Variants in ATM observed in about 807,000 individuals in gnomAD.
ATM encodes serine-protein kinase ATM.
Under a neutral mutation model 387.0 loss-of-function variants are expected in ATM, and 308 were observed. The observed-to-expected ratio is 0.80, with a 90% CI of 0.73 to 0.87. The LOEUF is 0.87. Among genes scored for constraint, ATM ranks in the 40% least tolerant of loss-of-function variants. The probability of loss-of-function intolerance (pLI) is 0.00; values close to 1 mark genes in which losing one functional copy is unlikely to be tolerated. For missense variants in ATM, 3,312 were observed against 3,560.9 expected, an observed-to-expected ratio of 0.93 and a Z score of 1.78; for synonymous variants, 1,156 against 1,187.3, an observed-to-expected ratio of 0.97 and a Z score of 0.54.
chr11:108,339,391 A>G (rs745808475), intron 56 of ATM, among the ~76,000 whole-genome samples: 4 of 152,124 alleles, frequency 2.6e-5, no homozygotes, highest in Admixed American at 6.6e-5. Context: ...TATCTCAGTC[A>G]TGGTTCTGGG....
At chr11:108,348,796 G>A (rs1340599297) in intron 59 of ATM, among the ~76,000 whole-genome samples, 2 of 151,306 alleles carry the variant, frequency 1.3e-5, no homozygotes, top group Admixed American at 6.6e-5. Context: ...AGAAAACCCT[G>A]TCTTTTTATT....
chr11:108,275,302 G>A (rs1037536571), intron 22 of ATM, among the ~76,000 whole-genome samples: 3 of 152,144 alleles, frequency 2.0e-5, no homozygotes, highest in African/African-American at 7.2e-5. Flanking sequence ...GATGGGTCTT[G>A]ACTCTTTATC....
intron 29 of ATM, among the ~76,000 whole-genome samples, chr11:108,290,985 C>T (rs2082759481): frequency 6.6e-6 from 1 of 151,890 alleles, no homozygotes; most frequent in South Asian, 2.1e-4. Flanking sequence ...CCTGTAATCC[C>T]AGCACTTTGG....
Position 108,330,197 on chromosome 11 carries a change from T to G in ATM, c.7308-17T>G. ...AGTTCATGGCTTTTGTGTTTTACCT[T>G]AATTATTCTATGCAAGATACACAGT... On this transcript the variant is annotated splice_polypyrimidine_tract_variant and intron_variant, in intron 49 of 62. Coordinates refer to ENST00000675843, the MANE Select transcript of ATM (RefSeq NM_000051.4). 1 of 1,610,484 alleles carries G rather than the reference T, an allele frequency of 6.2e-7. No homozygotes were observed. Among genetic ancestry groups the G allele is most frequent in the Non-Finnish European group, 8.5e-7 (1 of 1,177,132 alleles).
chr11:108,310,338 G>GT, intron 39 of ATM, 23 bp downstream of exon 39: 1 of 1,604,716 alleles, frequency 6.2e-7, no homozygotes, highest in Non-Finnish European at 8.5e-7. Flanking sequence ...AGAATTTTTG[G>GT]TTTTTAAAAT....
At chr11:108,298,484 T>C (rs1398927334) in intron 33 of ATM, among the ~76,000 whole-genome samples, 4 of 152,240 alleles carry the variant, frequency 2.6e-5, no homozygotes, top group African/African-American at 9.6e-5. Context: ...GTAGAAGTTT[T>C]CTTTAACCAA....
chr11:108,279,089 A>G (rs1261935716), intron 22 of ATM, among the ~76,000 whole-genome samples: 2 of 152,234 alleles, frequency 1.3e-5, no homozygotes, highest in Non-Finnish European at 2.9e-5. Flanking sequence ...AATGGTACAT[A>G]AAAACATTAA....
intron 61 of ATM, among the ~76,000 whole-genome samples, chr11:108,357,696 A>T (rs2090176856): frequency 6.6e-6 from 1 of 152,156 alleles, no homozygotes; most frequent in Non-Finnish European, 1.5e-5. Context: ...CTGACACCTC[A>T]CACGGCAGGG....
At chr11:108,359,176 A>G (rs1202938865) in intron 61 of ATM, among the ~76,000 whole-genome samples, 3 of 151,452 alleles carry the variant, frequency 2.0e-5, no homozygotes, top group East Asian at 3.9e-4. Flanking sequence ...CTTTAAACCA[A>G]CAAAGATCAA....
At chr11:108,252,057 C>T (rs2080182500) in intron 11 of ATM, 26 bp downstream of exon 11, 14 of 1,600,258 alleles carry the variant, frequency 8.7e-6, no homozygotes, top group Non-Finnish European at 1.1e-5. Flanking sequence ...TAGCATGCTG[C>T]TGTTTTTTTT....
intron 5 of ATM, among the ~76,000 whole-genome samples, chr11:108,239,726 A>G (rs1051559305): frequency 1.3e-5 from 2 of 152,202 alleles, no homozygotes; most frequent in Non-Finnish European, 2.9e-5. Flanking sequence ...CCTGTTTTAC[A>G]CAGGAGCTAC....
intron 16 of ATM, among the ~76,000 whole-genome samples, chr11:108,260,134 A>C (rs998667718): frequency 1.3e-5 from 2 of 149,934 alleles, no homozygotes; most frequent in Non-Finnish European, 2.9e-5. Flanking sequence ...TCCTAGGTTC[A>C]AGAGATTCTC....
At position 108,295,333 on chromosome 11, in the gene ATM, G is replaced by GTT. The variant is rs754503110; in HGVS notation, c.4909+288_4909+289dup. ...CTAAATTTTTTTTTTAAGAGACAGA[G>GTT]TTTTTTTTTTTTTTTAAGAGTCTCA... On this transcript the variant is annotated intron_variant, in intron 32 of 62. Transcript: ENST00000675843. 1,918 of 283,640 alleles carry GTT rather than the reference G, an allele frequency of 6.8e-3. 1 individual carries two copies. The highest frequency in any genetic ancestry group is 0.012 in the Middle Eastern group (9 of 772). 17.6% of individuals were successfully genotyped at this position (283,640 alleles called of 1,614,324 possible).
Position 108,254,194 on chromosome 11 carries a change from A to G in ATM, c.2124+155A>G, listed in dbSNP as rs938180533. ...TAAAGGGCTCTAAATTGGACAACTTAGCATAATTAAAGGAAAACTCAAGAA... is the reference window on the plus strand; with the variant it reads ...TAAAGGGCTCTAAATTGGACAACTTGGCATAATTAAAGGAAAACTCAAGAA... On this transcript the variant is annotated intron_variant, in intron 13 of 62. Transcript: ENST00000675843. Among the ~76,000 whole-genome samples, 11 of 152,354 alleles carry G rather than the reference A, an allele frequency of 7.2e-5. No individual in the cohort carries two copies. The South Asian group carries it at 1.7e-3, about 23-fold the overall frequency.
chr11:108,342,986 G>A (rs1264018947), intron 56 of ATM, among the ~76,000 whole-genome samples: 1 of 152,158 alleles, frequency 6.6e-6, no homozygotes, highest in African/African-American at 2.4e-5. Flanking sequence ...GAGAATCGTG[G>A]GGATTGAGTG....
intron 34 of ATM, among the ~76,000 whole-genome samples, chr11:108,300,413 C>T (rs1206931307): frequency 1.3e-5 from 2 of 152,188 alleles, no homozygotes; most frequent in East Asian, 1.9e-4. Flanking sequence ...ATTACTTTTG[C>T]GTGCATGCTC....
chr11:108,339,604 T>C (rs2087267546), intron 56 of ATM, among the ~76,000 whole-genome samples: 1 of 152,122 alleles, frequency 6.6e-6, no homozygotes, highest in Non-Finnish European at 1.5e-5. Context: ...AACACTGTCA[T>C]TTGCTTTTTG....
At chr11:108,363,121 T>G (rs2090985307) in intron 61 of ATM, among the ~76,000 whole-genome samples, 1 of 152,232 alleles carries the variant, frequency 6.6e-6, no homozygotes, top group Non-Finnish European at 1.5e-5. Flanking sequence ...ATTTTCCCAG[T>G]GATCTTACCA....
chr11:108,311,386 T>C (rs2084143658), intron 39 of ATM, among the ~76,000 whole-genome samples: 1 of 152,152 alleles, frequency 6.6e-6, no homozygotes. Context: ...AGTATAACTG[T>C]TCCTAGTTTA....
Sources: allele counts gnomAD v4.1 joint callset (sites outside exome capture counted in the v4.1 genomes callset), GRCh38; gene constraint gnomAD v4.1.1; transcripts MANE v1.5; gene names NCBI Gene and HGNC (gene_info 2026-07-23, HGNC 2026-07-21).